The following NDE1 variants were observed in gnomAD, a reference collection of about 807,000 sequenced individuals.
NDE1 encodes nuclear distribution protein nudE homolog 1.
A neutral mutation model predicts 43.4 loss-of-function variants in NDE1; 28 were observed. The ratio of observed to expected loss-of-function variants is 0.65; its 90% confidence interval spans 0.48 to 0.89. NDE1 has a LOEUF of 0.89. NDE1 is among the 40% of genes least tolerant of loss of function. The probability of loss-of-function intolerance (pLI) is 0.00; values close to 1 mark genes in which losing one functional copy is unlikely to be tolerated. For synonymous variants in NDE1, 184 were observed against 172.0 expected (o/e 1.07, Z -0.55); for missense variants, 441 against 434.1 (o/e 1.02, Z -0.14).
chr16:15,702,917 C>T (rs761286371), intron 8 of NDE1, among the ~76,000 whole-genome samples: 3 of 152,088 alleles, frequency 2.0e-5, no homozygotes, highest in Non-Finnish European at 4.4e-5. Flanking sequence ...GCTGAGCGGC[C>T]CAGTAACCCC....
chr16:15,717,576 C>G (rs2040229314), intron 8 of NDE1: 1 of 597,348 alleles, frequency 1.7e-6, no homozygotes, highest in Non-Finnish European at 3.0e-6. Context: ...AGGTAAATCA[C>G]TTGAGCTCAG....
chr16:15,695,825 G>A (rs550072718), intron 7 of NDE1: 3 of 546,776 alleles, frequency 5.5e-6, no homozygotes, highest in Admixed American at 1.3e-4. Context: ...GAGAAGCCTG[G>A]GGTGCTGTCA....
chr16:15,702,719 T>C (rs2039262863), intron 8 of NDE1, among the ~76,000 whole-genome samples: 2 of 152,134 alleles, frequency 1.3e-5, no homozygotes, highest in African/African-American at 4.8e-5. Context: ...ATCTGACGTT[T>C]TGTGGAAAGT....
chr16:15,702,759 G>A (rs562269019), intron 8 of NDE1, among the ~76,000 whole-genome samples: 8 of 152,130 alleles, frequency 5.3e-5, no homozygotes, highest in African/African-American at 1.9e-4. Flanking sequence ...AAGACCTTGT[G>A]TTTTAACTCA....
At chr16:15,711,226 CTA>C (rs1342455738) in intron 8 of NDE1, 2 of 152,342 alleles carry the variant, frequency 1.3e-5, no homozygotes, top group East Asian at 3.9e-4. Context: ...TCCCCAAACT[CTA>C]GAGGTGATTT....
At chr16:15,707,220 A>G (rs886558919) in intron 8 of NDE1, among the ~76,000 whole-genome samples, 13 of 152,070 alleles carry the variant, frequency 8.5e-5, no homozygotes, top group African/African-American at 3.1e-4. Flanking sequence ...TATTTTTAGG[A>G]GAGACGGGGT....
At chr16:15,719,162 T>G in intron 8 of NDE1, 1 of 1,513,032 alleles carries the variant, frequency 6.6e-7, no homozygotes, top group Non-Finnish European at 9.2e-7. Flanking sequence ...GGGTCGAGGA[T>G]GCTGCCTGTC....
intron 1 of NDE1, among the ~76,000 whole-genome samples, chr16:15,659,384 T>C (rs948772954): frequency 2.0e-5 from 3 of 149,468 alleles, no homozygotes; most frequent in Admixed American, 6.7e-5. Flanking sequence ...CACACCAGCC[T>C]CTAAGTTCTC....
At chr16:15,693,637 T>G (rs1461739000) in intron 6 of NDE1, among the ~76,000 whole-genome samples, 1 of 151,884 alleles carries the variant, frequency 6.6e-6, no homozygotes, top group Admixed American at 6.6e-5. Context: ...CCTGTCTCTA[T>G]TAAAAAAAAA....
intron 8 of NDE1, chr16:15,718,014 G>A: frequency 6.1e-6 from 3 of 489,092 alleles, no homozygotes; most frequent in East Asian, 3.9e-5. Context: ...TTCAGCTAGG[G>A]GAAAACGCAA....
chr16:15,672,054 T>C (rs954624750), intron 3 of NDE1, among the ~76,000 whole-genome samples: 1 of 152,072 alleles, frequency 6.6e-6, no homozygotes, highest in Non-Finnish European at 1.5e-5. Flanking sequence ...ATTAGTGGTA[T>C]GAACTGCAGT....
At chr16:15,698,561 G>A (rs1015486381) in intron 8 of NDE1, among the ~76,000 whole-genome samples, 7 of 151,728 alleles carry the variant, frequency 4.6e-5, no homozygotes, top group South Asian at 4.2e-4. Context: ...ACCTTTACAC[G>A]TGGATTTTTA....
chr16:15,691,158 C>G lies in NDE1; in HGVS notation c.538C>G (p.Leu180Val). 6.2e-7 allele frequency: 1 copy of G among 1,614,042 alleles called. No individual in the cohort carries two copies. Among genetic ancestry groups the G allele is most frequent in the Non-Finnish European group, 8.5e-7 (1 of 1,180,014 alleles). Residue 180 changes from leucine to valine, a missense_variant, in exon 6 of 9, where the codon CTG becomes GTG. Physicochemically the swap from Leu to Val is conservative, Grantham distance 32. Transcript: ENST00000396354. ...KDEARDLRQE[L>V]AVQQKQEKPR... ...TTCTGGCACAGATTTGCGGCAGGAA[C>G]TGGCCGTGCAGCAGAAGCAGGAGAA...
intron 2 of NDE1, 138 bp downstream of exon 2, chr16:15,664,999 G>A (rs1444843261): frequency 7.4e-6 from 5 of 675,218 alleles, no homozygotes; most frequent in Non-Finnish European, 1.3e-5. Flanking sequence ...GGGCTTAAGC[G>A]ATCATCCTGG....
At chr16:15,649,200 T>C (rs2036394208), upstream of NDE1, 1 of 152,114 alleles carries the variant, frequency 6.6e-6, no homozygotes, top group South Asian at 2.1e-4. Context: ...CATCTCAAAA[T>C]AAATAAATAA....
At chr16:15,657,809 C>T (rs930817519) in intron 1 of NDE1, among the ~76,000 whole-genome samples, 3 of 151,986 alleles carry the variant, frequency 2.0e-5, no homozygotes, top group Non-Finnish European at 4.4e-5. Flanking sequence ...ACCATGTTGC[C>T]CAGGCTGGTC....
chr16:15,691,758 A>G (rs908255127), intron 6 of NDE1, among the ~76,000 whole-genome samples: 1 of 150,240 alleles, frequency 6.7e-6, no homozygotes, highest in Non-Finnish European at 1.5e-5. Context: ...CTCCCACCTC[A>G]TCCTCCGGAG....
intron 7 of NDE1, chr16:15,695,715 T>A (rs2038979511): frequency 1.0e-6 from 1 of 984,992 alleles, no homozygotes; most frequent in African/African-American, 1.7e-5. Flanking sequence ...AATAGAAGCT[T>A]GCAACTCATT....
exon 1 of NDE1, chr16:15,643,397 TC>T: frequency 6.2e-6 from 3 of 485,106 alleles, no homozygotes; most frequent in East Asian, 6.8e-5. Flanking sequence ...AAGGAGGCCT[TC>T]CCCCTGGCTT....
Sources: allele counts gnomAD v4.1 joint callset (sites outside exome capture counted in the v4.1 genomes callset), GRCh38; gene constraint gnomAD v4.1.1; transcripts MANE v1.5; gene names NCBI Gene and HGNC (gene_info 2026-07-23, HGNC 2026-07-21).